The following KCNH2 variants were observed in gnomAD, a reference collection of about 807,000 sequenced individuals.
KCNH2 encodes potassium voltage-gated channel subfamily H member 2.
Under a neutral mutation model 95.9 loss-of-function variants are expected in KCNH2, and 35 were observed. The ratio of observed to expected loss-of-function variants is 0.37; its 90% CI spans 0.28 to 0.48. KCNH2 has a LOEUF of 0.48. KCNH2 is among the 20% of genes least tolerant of loss of function. The pLI is 0.99. For synonymous variants in KCNH2, 786 were observed against 754.7 expected (o/e 1.04, Z -0.68); for missense variants, 1,274 against 1,702.9 (o/e 0.75, Z 4.43).
rs750330550 is a variant in KCNH2, at chr7:150,947,591, C to A, written c.2965+15G>T. The A allele has an allele frequency of 3.7e-6, 6 of 1,611,366 alleles. No homozygotes were observed. Among genetic ancestry groups the A allele is most frequent in the East Asian group, 2.2e-5 (1 of 44,768 alleles). ...CACGCCCGGTCCTCCCTCGCCCGCC[C>A]GTCGCCCGGGATACCTGACAGGGGG... On this transcript the variant is annotated intron_variant, in intron 12 of 14. Transcript: ENST00000262186.
chr7:150,950,145 A>AGGGGGG (rs1801079545), intron 9 of KCNH2, 23 bp downstream of exon 9: 36 of 1,424,306 alleles, frequency 2.5e-5, no homozygotes, highest in East Asian at 8.3e-5. Context: ...TTTCCAGTCC[A>AGGGGGG]GTGCCCGCCC....
intron 9 of KCNH2, 43 bp from the exon 10 acceptor site, chr7:150,949,092 G>C: frequency 1.3e-6 from 2 of 1,558,712 alleles, no homozygotes; most frequent in Non-Finnish European, 1.8e-6. Context: ...CCCGGGGGGC[G>C]GCATCCAGGC....
At chr7:150,948,825 G>A in intron 10 of KCNH2, 31 bp downstream of exon 10, 1 of 1,596,974 alleles carries the variant, frequency 6.3e-7, no homozygotes, top group Non-Finnish European at 8.6e-7. Context: ...GAAGCAGGAG[G>A]ATGGGGTCCA....
At position 150,957,365 on chromosome 7, in the gene KCNH2, G is replaced by A. The variant is rs1801408471; in HGVS notation, c.1054C>T (p.Pro352Ser). 6.2e-7 allele frequency: 1 copy of A among 1,613,432 alleles called. No homozygotes were observed. The highest frequency in any genetic ancestry group is 1.3e-5 in the African/African-American group (1 of 74,934). ...GCTATGATCTCACGGTCACTGGTGG[G>A]CGAAGCCAAGAAGGGGTCGCCCTTG... is the stretch of plus-strand genomic sequence containing the variant. ...DLKGDPFLAS[P>S]TSDREIIAPK... The change falls in exon 5 of 15, where the codon CCC becomes TCC. Residue 352 changes from proline to serine, a missense_variant. Pro to Ser is a moderately conservative substitution (Grantham distance 74). Coordinates refer to ENST00000262186, the MANE Select transcript of KCNH2 (RefSeq NM_000238.4).
intron 2 of KCNH2, among the ~76,000 whole-genome samples, chr7:150,972,718 A>G (rs1376782432): frequency 6.6e-6 from 1 of 151,912 alleles, no homozygotes; most frequent in African/African-American, 2.4e-5. Context: ...TTCTAATCCC[A>G]CTCCTTCCAC....
chr7:150,968,130 C>T (rs1467862277), intron 2 of KCNH2, among the ~76,000 whole-genome samples: 3 of 152,160 alleles, frequency 2.0e-5, no homozygotes, highest in African/African-American at 7.2e-5. Flanking sequence ...TAGATAATGT[C>T]GAGAGTGGCC....
rs1182852074 is a variant in KCNH2, at chr7:150,947,315, T to C, written c.3152+13A>G. ...CCAGGGCGTGCCCCCCCACCCCACC[T>C]GCACTCCCTCACCTGTTGAGCTGGC... is the stretch of plus-strand genomic sequence containing the variant. On this transcript the variant is annotated intron_variant, in intron 13 of 14. Coordinates refer to ENST00000262186, the MANE Select transcript of KCNH2 (RefSeq NM_000238.4). 3 of 1,536,754 alleles carry C rather than the reference T, an allele frequency of 2.0e-6. No individual in the cohort carries two copies. Among genetic ancestry groups the C allele is most frequent in the Non-Finnish European group, 2.6e-6 (3 of 1,144,432 alleles).
In KCNH2 at chr7:150,958,224, G is replaced by A. The variant is rs199472873; in HGVS notation, c.751C>T (p.Pro251Ser). ...PRSAPGQLPS[P>S]RAHSLNPDAS... ...TCGGGGTTGAGGCTGTGCGCCCGGGGCGATGGGAGCTGGCCGGGCGCGCTG... is the reference window on the plus strand; with the variant it reads ...TCGGGGTTGAGGCTGTGCGCCCGGGACGATGGGAGCTGGCCGGGCGCGCTG... The change falls in exon 4 of 15, where the codon CCC becomes TCC. Residue 251 changes from proline to serine, a missense_variant. Physicochemically the swap from Pro to Ser is moderately conservative, Grantham distance 74. Transcript: ENST00000262186. 3 of 1,375,072 alleles carry A rather than the reference G, an allele frequency of 2.2e-6. No homozygotes were observed. Among genetic ancestry groups the A allele is most frequent in the South Asian group, 1.7e-5 (1 of 58,482 alleles). 85.2% of individuals were successfully genotyped at this position (1,375,072 alleles called of 1,614,324 possible).
rs897540177 is a variant in KCNH2 at position 150,948,886 on chromosome 7, G to A, written c.2562C>T (p.Ser854=). The change falls in exon 10 of 15, where the codon TCC becomes TCT. Residue 854 remains serine, a synonymous_variant. Transcript: ENST00000262186. ...MYPEFSDHFW[S]SLEITFNLRD... ...GCAGGTTGAAGGTGATCTCCAGGCT[G>A]GACCAGAAGTGGTCGGAGAACTCAG... 1.2e-6 allele frequency: 2 copies of A among 1,614,206 alleles called. No individual in the cohort carries two copies. The highest frequency in any genetic ancestry group is 1.1e-5 in the South Asian group (1 of 91,078).
chr7:150,945,413 G>A lies in KCNH2; in HGVS notation c.3432C>T (p.Ala1144=), dbSNP rs2116917441. The change falls in exon 15 of 15, where the codon GCC becomes GCT. Residue 1144 remains alanine (A), a synonymous_variant. Coordinates refer to ENST00000262186, the MANE Select transcript of KCNH2 (RefSeq NM_000238.4). The surrounding 1 kb of genome is among the most constrained non-coding windows in gnomAD (Gnocchi z 5.6). Reference sequence around the variant, plus strand: ...GTCTGTGCAGGGGCTGGGAGGTGAGGGCCCCCAGCTGGCCCGGTAGGGAGA... The same window carrying A: ...GTCTGTGCAGGGGCTGGGAGGTGAGAGCCCCCAGCTGGCCCGGTAGGGAGA... The part of the protein sequence containing the change: ...RRLSLPGQLG[A]LTSQPLHRHG... The A allele has an allele frequency of 6.3e-7, 1 of 1,582,144 alleles. No individual in the cohort carries two copies. The highest frequency in any genetic ancestry group is 8.6e-7 in the Non-Finnish European group (1 of 1,164,272).
At chr7:150,949,178 C>G in intron 9 of KCNH2, 129 bp from the exon 10 acceptor site, 2 of 1,110,254 alleles carry the variant, frequency 1.8e-6, no homozygotes, top group Non-Finnish European at 2.6e-6. Context: ...CAGCCGGCCC[C>G]CAACCCACAC....
rs537279229 is a variant in KCNH2 at position 150,954,004 on chromosome 7, G to A, written c.1129-1151C>T. ...TGCCCAAGACACCTTCACAGATGGC[G>A]CTGCTGGGAGAACATCTCCTTAGAG... is the stretch of plus-strand genomic sequence containing the variant. On this transcript the variant is annotated intron_variant, in intron 5 of 14. Transcript: ENST00000262186. Among the ~76,000 whole-genome samples the A allele has an allele frequency of 3.3e-5, 5 of 152,352 alleles. No homozygotes were observed. In the East Asian group the frequency reaches 5.8e-4, roughly 18 times the overall value.
chr7:150,956,568 C>T (rs761040395), intron 5 of KCNH2, among the ~76,000 whole-genome samples: 5 of 150,722 alleles, frequency 3.3e-5, no homozygotes, highest in African/African-American at 1.2e-4. Context: ...GGTCGCAGGT[C>T]CTCTTGCTGC....
Position 150,958,464 on chromosome 7 carries a change from G to A in KCNH2, c.511C>T (p.Leu171=). The part of the protein sequence containing the change: ...KTFRLKLPAL[L]ALTARESSVR... ...GACGACTCCCGGGCCGTCAGCGCCA[G>A]CAGCGCGGGCAGCTTCAGGCGGAAG... is the stretch of plus-strand genomic sequence containing the variant. Residue 171 remains leucine (L), a synonymous_variant, in exon 4 of 15, where the codon CTG becomes TTG. Coordinates refer to ENST00000262186, the MANE Select transcript of KCNH2 (RefSeq NM_000238.4). The A allele has an allele frequency of 6.1e-6, 9 of 1,466,316 alleles. No homozygotes were observed. Among genetic ancestry groups the A allele is most frequent in the Non-Finnish European group, 8.1e-6 (9 of 1,115,206 alleles). 90.8% of individuals were successfully genotyped at this position (1,466,316 alleles called of 1,614,324 possible). A position where few individuals can be genotyped will look rare whatever the true frequency, so the allele number is the denominator to read the frequency against.
At chr7:150,960,923 C>T (rs1352318497) in intron 2 of KCNH2, among the ~76,000 whole-genome samples, 1 of 150,732 alleles carries the variant, frequency 6.6e-6, no homozygotes, top group Non-Finnish European at 1.5e-5. Context: ...GCCAAGCACT[C>T]AGTTCCACCT....
chr7:150,960,481 C>G (rs1801526732), intron 2 of KCNH2, among the ~76,000 whole-genome samples: 1 of 152,186 alleles, frequency 6.6e-6, no homozygotes, highest in East Asian at 1.9e-4. Flanking sequence ...CTATCTGTCT[C>G]TCTGTTCTCT....
intron 2 of KCNH2, 77 bp from the exon 3 acceptor site, chr7:150,959,813 G>C: frequency 6.5e-7 from 1 of 1,546,050 alleles, no homozygotes; most frequent in Non-Finnish European, 8.9e-7. Flanking sequence ...ATGGACCCTG[G>C]AACCCAAGTG....
In KCNH2 at chr7:150,947,801, C is replaced by G. The variant is rs794728397; in HGVS notation, c.2770G>C (p.Gly924Arg). Residue 924 changes from glycine to arginine, a missense_variant, in exon 12 of 15, where the codon GGG becomes CGG. By Grantham distance (125) the Gly-to-Arg change is moderately radical (BLOSUM62 -2). This residue lies in a region of KCNH2 where 457 missense variants were observed against 416.1 expected (regional missense o/e 1.10). Transcript: ENST00000262186. ...GAGPSSRGRPGGPWGESPSSG... is the reference protein window; with the variant it reads ...GAGPSSRGRPRGPWGESPSSG... ...GACGGGCTCTCCCCCCACGGCCCCC[C>G]CGGCCGGCCCCGGCTACTCGGCCCT... 6.5e-7 allele frequency: 1 copy of G among 1,530,746 alleles called. No homozygotes were observed. Among genetic ancestry groups the G allele is most frequent in the Admixed American group, 2.0e-5 (1 of 50,628 alleles). The allele number at this position is 1,530,746 out of a possible 1,614,324, so 94.8% of individuals were successfully genotyped here. A position where few individuals can be genotyped will look rare whatever the true frequency, so the allele number is the denominator to read the frequency against.
chr7:150,952,729 A>C lies in KCNH2; in HGVS notation c.1253T>G (p.Val418Gly). 1 of 1,613,810 alleles carries C rather than the reference A, an allele frequency of 6.2e-7. No homozygotes were observed. The highest frequency in any genetic ancestry group is 8.5e-7 in the Non-Finnish European group (1 of 1,179,964). ...GGGTGTGAAGACAGCCGTGTAGATGACCAGCAGCAGGATGAGCCAGTCCCA... is the reference window on the plus strand; with the variant it reads ...GGGTGTGAAGACAGCCGTGTAGATGCCCAGCAGCAGGATGAGCCAGTCCCA... The part of the protein sequence containing the change: ...AVWDWLILLL[V>G]IYTAVFTPYS... The change falls in exon 6 of 15, where the codon GTC becomes GGC. Residue 418 changes from valine to glycine, a missense_variant. Val to Gly is a moderately radical substitution (Grantham distance 109, BLOSUM62 -3). Transcript: ENST00000262186. This position sits in a 1 kb window ranked among gnomAD's most constrained non-coding sequence, Gnocchi z 7.3.
Sources: gnomAD v4.1 joint callset for allele counts (sites outside exome capture counted in the v4.1 genomes callset) on GRCh38, gnomAD v4.1.1 for gene constraint, gnomAD v4.1.1 regional missense constraint, Gnocchi (gnomAD v3.1) non-coding constraint, MANE v1.5 for transcripts, NCBI Gene and HGNC (gene_info 2026-07-23, HGNC 2026-07-21) for gene names.